The following LCLAT1 variants were observed in gnomAD, a reference collection of about 807,000 sequenced individuals.
LCLAT1 encodes the protein 1-AGP acyltransferase 8.
Under a neutral mutation model 30.7 loss-of-function variants are expected in LCLAT1, and 11 were observed. The observed-to-expected ratio is 0.36, with a 90% CI of 0.23 to 0.59. The LOEUF (loss-of-function observed/expected upper bound fraction) is 0.59, where lower values mean the gene tolerates loss of function less well. LCLAT1 is among the 20% of genes least tolerant of loss of function. The pLI, the probability that LCLAT1 is intolerant of heterozygous loss-of-function variation, is 0.77. For synonymous variants in LCLAT1, 155 were observed against 151.3 expected, an observed-to-expected ratio of 1.02 and a Z score of -0.18; for missense variants, 402 against 458.6, an observed-to-expected ratio of 0.88 and a Z score of 1.13.
intron 3 of LCLAT1, among the ~76,000 whole-genome samples, chr2:30,550,563 G>C (rs1484265954): frequency 6.6e-6 from 1 of 152,144 alleles, no homozygotes; most frequent in Non-Finnish European, 1.5e-5. Context: ...TGTAGGCTTG[G>C]GGGAAGAATA....
rs554447397 is a variant in LCLAT1 at position 30,476,717 on chromosome 2, T to C, written c.-5+29334T>C. On this transcript the variant is annotated intron_variant, in intron 1 of 5. Coordinates refer to ENST00000379509, the MANE Select transcript of LCLAT1 (RefSeq NM_001002257.3). ...AAGTACGCAATAAATGTAATGTGCT[T>C]GAATCCTGAAACCACCCCTTCCCCT... The C allele has an allele frequency of 1.1e-3, 338 of 311,188 alleles. 6 individuals carry two copies. Among genetic ancestry groups the C allele is most frequent in the South Asian group, 9.1e-3 (325 of 35,820 alleles). The allele number at this position is 311,188 out of a possible 1,614,324, so 19.3% of individuals were successfully genotyped here. A position where few individuals can be genotyped will look rare whatever the true frequency, so the allele number is the denominator to read the frequency against.
At chr2:30,554,118 A>G (rs1664811158) in intron 3 of LCLAT1, among the ~76,000 whole-genome samples, 2 of 152,260 alleles carry the variant, frequency 1.3e-5, no homozygotes, top group South Asian at 2.1e-4. Context: ...TGGAGTTTCT[A>G]GAAGATATGT....
chr2:30,550,728 A>G (rs1478957823), intron 3 of LCLAT1, among the ~76,000 whole-genome samples: 2 of 152,044 alleles, frequency 1.3e-5, no homozygotes, highest in Non-Finnish European at 2.9e-5. Flanking sequence ...TACATACTCA[A>G]TCCACTAAGC....
At chr2:30,589,357 A>G (rs1019193118) in intron 5 of LCLAT1, among the ~76,000 whole-genome samples, 2 of 152,200 alleles carry the variant, frequency 1.3e-5, no homozygotes, top group African/African-American at 2.4e-5. Context: ...ACTGTCCACC[A>G]TAGCTGGATG....
At chr2:30,628,539 G>A (rs577045353) in intron 5 of LCLAT1, among the ~76,000 whole-genome samples, 2 of 152,118 alleles carry the variant, frequency 1.3e-5, no homozygotes, top group Non-Finnish European at 1.5e-5. Context: ...GAGTCACTAA[G>A]GAAAACAGTG....
rs377763608 is a variant in LCLAT1, at chr2:30,532,059, A to G, written c.166-1057A>G. Among the ~76,000 whole-genome samples the G allele has an allele frequency of 3.9e-4, 60 of 152,290 alleles. 1 individual carries two copies. In the South Asian group the frequency reaches 0.012, roughly 31 times the overall value. ...TCTTCTTGTTCTTTATAATTTTAGCATCTATATAATCATCTTTAAAATATC... is the reference window on the plus strand; with the variant it reads ...TCTTCTTGTTCTTTATAATTTTAGCGTCTATATAATCATCTTTAAAATATC... On this transcript the variant is annotated intron_variant, in intron 2 of 5. Coordinates refer to ENST00000379509, the MANE Select transcript of LCLAT1 (RefSeq NM_001002257.3).
At chr2:30,456,250 C>A (rs1681828705) in intron 1 of LCLAT1, among the ~76,000 whole-genome samples, 1 of 152,156 alleles carries the variant, frequency 6.6e-6, no homozygotes, top group African/African-American at 2.4e-5. Context: ...AGGGGATGGC[C>A]TTCTTACCCC....
intron 5 of LCLAT1, among the ~76,000 whole-genome samples, chr2:30,616,881 C>T (rs1029157286): frequency 6.6e-6 from 1 of 151,776 alleles, no homozygotes; most frequent in African/African-American, 2.4e-5. Context: ...AAATTTGTTT[C>T]AAACTCTAAA....
chr2:30,564,744 C>T (rs1025851705), intron 4 of LCLAT1, among the ~76,000 whole-genome samples: 8 of 152,144 alleles, frequency 5.3e-5, no homozygotes, highest in African/African-American at 1.9e-4. Flanking sequence ...TTAGTTACTA[C>T]CATACTTAAC....
intron 5 of LCLAT1, among the ~76,000 whole-genome samples, chr2:30,602,624 A>C (rs1558548787): frequency 6.6e-6 from 1 of 151,806 alleles, no homozygotes; most frequent in Non-Finnish European, 1.5e-5. Context: ...AGTTTTTCAC[A>C]AACAGATTAA....
intron 1 of LCLAT1, among the ~76,000 whole-genome samples, chr2:30,501,728 T>C (rs1684403118): frequency 6.6e-6 from 1 of 152,188 alleles, no homozygotes; most frequent in South Asian, 2.1e-4. Context: ...AGCATTTTAT[T>C]ACTTGTCCAG....
chr2:30,626,522 A>G lies in LCLAT1; in HGVS notation c.629-13595A>G, dbSNP rs562365922. Among the ~76,000 whole-genome samples the G allele has an allele frequency of 2.4e-4, 37 of 152,284 alleles. 1 individual carries two copies. In the South Asian group the frequency reaches 7.2e-3, roughly 30 times the overall value. On this transcript the variant is annotated intron_variant, in intron 5 of 5. Coordinates refer to ENST00000379509, the MANE Select transcript of LCLAT1 (RefSeq NM_001002257.3). ...TGTATTTATGATTTTAGTTTACTGT[A>G]TGTAATCTTAAATACTTATGCTTTT...
chr2:30,534,628 C>T (rs778317145), intron 3 of LCLAT1, among the ~76,000 whole-genome samples: 1 of 152,172 alleles, frequency 6.6e-6, no homozygotes, highest in Non-Finnish European at 1.5e-5. Context: ...TTCTCTTTGC[C>T]ACTTTTCCAA....
chr2:30,499,612 G>T (rs1684271703), intron 1 of LCLAT1, among the ~76,000 whole-genome samples: 1 of 152,174 alleles, frequency 6.6e-6, no homozygotes, highest in African/African-American at 2.4e-5. Context: ...GAATTTCTGT[G>T]ATATGTGATT....
chr2:30,581,350 C>T (rs1186370510), intron 5 of LCLAT1, among the ~76,000 whole-genome samples: 1 of 152,146 alleles, frequency 6.6e-6, no homozygotes, highest in Non-Finnish European at 1.5e-5. Flanking sequence ...AGCTGGAAGT[C>T]CTGTCAGTCC....
At chr2:30,523,763 G>T (rs1263011753) in intron 1 of LCLAT1, among the ~76,000 whole-genome samples, 1 of 152,150 alleles carries the variant, frequency 6.6e-6, no homozygotes, top group Non-Finnish European at 1.5e-5. Context: ...GGCTACTCCG[G>T]AGGCTGAGGC....
chr2:30,612,013 A>T (rs1339595415), intron 5 of LCLAT1, among the ~76,000 whole-genome samples: 11 of 152,160 alleles, frequency 7.2e-5, no homozygotes, highest in African/African-American at 2.7e-4. Flanking sequence ...GAAAAAAAAT[A>T]GCACAGTAGA....
intron 1 of LCLAT1, among the ~76,000 whole-genome samples, chr2:30,502,001 C>T (rs932922908): frequency 6.6e-6 from 1 of 152,128 alleles, no homozygotes; most frequent in Non-Finnish European, 1.5e-5. Context: ...TCTGATTTTT[C>T]TCTTCGGAAC....
chr2:30,528,012 T>G (rs529373722), intron 2 of LCLAT1, among the ~76,000 whole-genome samples: 3 of 152,204 alleles, frequency 2.0e-5, no homozygotes, highest in Non-Finnish European at 4.4e-5. Context: ...CCACCTAGCT[T>G]GGCCTCCAGC....
Sources: gnomAD v4.1 joint callset for allele counts (sites outside exome capture counted in the v4.1 genomes callset) on GRCh38, gnomAD v4.1.1 for gene constraint, MANE v1.5 for transcripts, NCBI Gene and HGNC (gene_info 2026-07-23, HGNC 2026-07-21) for gene names.